The following ITGBL1 variants were observed in gnomAD, a reference collection of about 807,000 sequenced individuals.
ITGBL1 encodes the protein integrin beta-like protein 1.
Under a neutral mutation model 68.5 loss-of-function variants are expected in ITGBL1, and 51 were observed. The ratio of observed to expected loss-of-function variants is 0.74; its 90% CI spans 0.59 to 0.94. The LOEUF (loss-of-function observed/expected upper bound fraction) is 0.94, where lower values mean the gene tolerates loss of function less well. Among genes scored for constraint, ITGBL1 ranks in the 40% least tolerant of loss-of-function variants. The pLI, the probability that ITGBL1 is intolerant of heterozygous loss-of-function variation, is 0.00. For missense variants in ITGBL1, 649 were observed against 647.4 expected, an observed-to-expected ratio of 1.00 and a Z score of -0.03; for synonymous variants, 209 against 227.3, an observed-to-expected ratio of 0.92 and a Z score of 0.72.
chr13:101,708,594 CT>C (rs2034315643), intron 9 of ITGBL1, among the ~76,000 whole-genome samples: 3 of 152,200 alleles, frequency 2.0e-5, no homozygotes, highest in Admixed American at 2.0e-4. Flanking sequence ...TAAACAGTAG[CT>C]TTTGTTTTGC....
chr13:101,617,644 G>T (rs962295017), intron 7 of ITGBL1, among the ~76,000 whole-genome samples: 1 of 152,022 alleles, frequency 6.6e-6, no homozygotes, highest in Non-Finnish European at 1.5e-5. Context: ...TAAAACTATA[G>T]AAATTTAATA....
intron 2 of ITGBL1, among the ~76,000 whole-genome samples, chr13:101,546,872 C>G (rs571126839): frequency 2.0e-4 from 30 of 151,984 alleles, no homozygotes; most frequent in African/African-American, 7.2e-4. Flanking sequence ...TCATATCTTA[C>G]TGAAGATGCT....
rs780989700 is a variant in ITGBL1 at position 101,575,538 on chromosome 13, T to C, written c.578T>C (p.Ile193Thr). The C allele has an allele frequency of 1.2e-6, 2 of 1,611,762 alleles. No homozygotes were observed. The highest frequency in any genetic ancestry group is 1.7e-6 in the Non-Finnish European group (2 of 1,178,344). Residue 193 changes from isoleucine to threonine, a missense_variant, in exon 4 of 11, where the codon ATA (isoleucine) becomes ACA (threonine). Ile to Thr is a moderately conservative substitution (Grantham distance 89, BLOSUM62 -1). Transcript: ENST00000376180. ...RECIDDETEE[I>T]CGGHGKCYCG... ...TGCATAGACGATGAAACAGAAGAAA[T>C]ATGTGGAGGTATGTATATTGGCTCT... is the stretch of plus-strand genomic sequence containing the variant.
At chr13:101,546,129 C>T (rs956244531) in intron 2 of ITGBL1, among the ~76,000 whole-genome samples, 17 of 152,076 alleles carry the variant, frequency 1.1e-4, no homozygotes, top group Non-Finnish European at 7.4e-5. Flanking sequence ...TAGTATGATT[C>T]CTTTATGAAC....
At chr13:101,633,538 A>G (rs2139414009) in intron 7 of ITGBL1, among the ~76,000 whole-genome samples, 1 of 152,266 alleles carries the variant, frequency 6.6e-6, no homozygotes, top group East Asian at 1.9e-4. Context: ...CAGCCAAAAA[A>G]ACCAAGTGGA....
chr13:101,466,327 A>C (rs2048381677), intron 2 of ITGBL1, among the ~76,000 whole-genome samples: 1 of 152,178 alleles, frequency 6.6e-6, no homozygotes, highest in Admixed American at 6.5e-5. Flanking sequence ...ACATTTTGTC[A>C]AGTATCTGTG....
chr13:101,642,354 A>G (rs77280468), intron 7 of ITGBL1, among the ~76,000 whole-genome samples: 73,947 of 151,964 alleles, frequency 0.49, 18,038 homozygotes, highest in Non-Finnish European at 0.52. Context: ...GGCTGCATAA[A>G]TGTCTTCTTT....
rs1364638367 is a variant in ITGBL1 at position 101,714,419 on chromosome 13, A to G, written c.1280-19A>G. ...TTTAGTTATAAGGTGATGGTGAGTAATAGCCTTTGTAATTTCAGGTTCTTG... is the reference window on the plus strand; with the variant it reads ...TTTAGTTATAAGGTGATGGTGAGTAGTAGCCTTTGTAATTTCAGGTTCTTG... On this transcript the variant is annotated intron_variant, in intron 9 of 10. Coordinates refer to ENST00000376180, the MANE Select transcript of ITGBL1 (RefSeq NM_004791.3). 2.9e-6 allele frequency: 4 copies of G among 1,392,344 alleles called. No homozygotes were observed. In the Admixed American group the frequency reaches 5.0e-5, roughly 17 times the overall value. The allele number at this position is 1,392,344 out of a possible 1,614,324, so 86.2% of individuals were successfully genotyped here.
At chr13:101,687,332 G>GA (rs141006988) in intron 7 of ITGBL1, among the ~76,000 whole-genome samples, 4,812 of 151,702 alleles carry the variant, frequency 0.032, 249 homozygotes, top group East Asian at 0.22. Flanking sequence ...GTTCTTATGA[G>GA]AAAAAAATGT....
Position 101,463,905 on chromosome 13 carries a change from C to CT in ITGBL1, c.316+9824dup, listed in dbSNP as rs200070869. On this transcript the variant is annotated intron_variant, in intron 2 of 10. Transcript: ENST00000376180. ...AGATTGAATAGGAGTCATTCTAGTT[C>CT]TTTTTTTTTTTTTTTTTTTCCGAGA... is the stretch of plus-strand genomic sequence containing the variant. 2.8e-3 allele frequency among the ~76,000 whole-genome samples: 359 copies of CT among 127,426 alleles called. 2 individuals carry two copies. The highest frequency in any genetic ancestry group is 0.013 in the Middle Eastern group (3 of 238). 83.6% of individuals were successfully genotyped at this position (127,426 alleles called of 152,430 possible). A position where few individuals can be genotyped will look rare whatever the true frequency, so the allele number is the denominator to read the frequency against.
At chr13:101,531,982 C>G (rs1157323630) in intron 2 of ITGBL1, among the ~76,000 whole-genome samples, 1 of 151,974 alleles carries the variant, frequency 6.6e-6, no homozygotes, top group Non-Finnish European at 1.5e-5. Flanking sequence ...GATCTGCCCA[C>G]CTCGGCCTCC....
At chr13:101,509,125 G>A (rs1314844642) in intron 2 of ITGBL1, among the ~76,000 whole-genome samples, 3 of 152,142 alleles carry the variant, frequency 2.0e-5, no homozygotes, top group African/African-American at 7.2e-5. Context: ...CATGGCTGGG[G>A]AGGCCTCACA....
At chr13:101,497,284 A>G (rs1214415110) in intron 2 of ITGBL1, among the ~76,000 whole-genome samples, 2 of 152,240 alleles carry the variant, frequency 1.3e-5, no homozygotes, top group African/African-American at 2.4e-5. Context: ...AACTCCTCAC[A>G]TTATTCCTTT....
chr13:101,605,577 TAC>T (rs2051092674), intron 7 of ITGBL1, among the ~76,000 whole-genome samples: 1 of 151,792 alleles, frequency 6.6e-6, no homozygotes, highest in East Asian at 1.9e-4. Context: ...TGCGTATATA[TAC>T]ACGTATTTAG....
At chr13:101,633,891 A>G (rs1472762258) in intron 7 of ITGBL1, among the ~76,000 whole-genome samples, 1 of 152,120 alleles carries the variant, frequency 6.6e-6, no homozygotes, top group Non-Finnish European at 1.5e-5. Flanking sequence ...ATTTTTCTCA[A>G]ATCATAGGGG....
chr13:101,486,952 G>A (rs558319010), intron 2 of ITGBL1, among the ~76,000 whole-genome samples: 68 of 141,670 alleles, frequency 4.8e-4, no homozygotes, highest in African/African-American at 1.7e-3. Context: ...AGCCAAATGG[G>A]AAGAATTATA....
chr13:101,636,652 A>C (rs2032179204), intron 7 of ITGBL1, among the ~76,000 whole-genome samples: 1 of 152,164 alleles, frequency 6.6e-6, no homozygotes, highest in South Asian at 2.1e-4. Context: ...AATAGCATTG[A>C]ACTACTTAAA....
At chr13:101,478,484 C>T (rs1254490856) in intron 2 of ITGBL1, among the ~76,000 whole-genome samples, 2 of 151,832 alleles carry the variant, frequency 1.3e-5, no homozygotes, top group Admixed American at 6.6e-5. Context: ...CCTAGTCAGA[C>T]AATCAGATAA....
At chr13:101,597,803 C>T (rs1040591080) in intron 6 of ITGBL1, among the ~76,000 whole-genome samples, 3 of 152,184 alleles carry the variant, frequency 2.0e-5, no homozygotes, top group South Asian at 4.1e-4. Flanking sequence ...CTTCCCTCCT[C>T]GCCCTCCCAA....
Sources: gnomAD v4.1 joint callset for allele counts (sites outside exome capture counted in the v4.1 genomes callset) on GRCh38, gnomAD v4.1.1 for gene constraint, MANE v1.5 for transcripts, NCBI Gene and HGNC (gene_info 2026-07-23, HGNC 2026-07-21) for gene names.